The following TERB1 variants were observed in gnomAD, a reference collection of about 807,000 sequenced individuals.
The protein encoded by TERB1 is telomere repeat binding bouquet formation protein 1.
TERB1 carries 63 observed loss-of-function variants against 92.3 expected under a neutral mutation model. That is an observed-to-expected ratio of 0.68 (90% CI 0.56 to 0.84). The LOEUF (loss-of-function observed/expected upper bound fraction) is 0.84. Among genes scored for constraint, TERB1 ranks in the 40% least tolerant of loss-of-function variants. The pLI is 0.00. For missense variants in TERB1, 709 were observed against 843.7 expected, an observed-to-expected ratio of 0.84 and a Z score of 1.98; for synonymous variants, 252 against 283.9, an observed-to-expected ratio of 0.89 and a Z score of 1.13.
At chr16:66,785,735 G>A in intron 9 of TERB1, 51 bp downstream of exon 9, 1 of 1,448,964 alleles carries the variant, frequency 6.9e-7, no homozygotes. Flanking sequence ...TTTTTATTAT[G>A]CTTTGAAATA....
At chr16:66,797,910 T>C (rs1203067942) in intron 2 of TERB1, among the ~76,000 whole-genome samples, 1 of 152,046 alleles carries the variant, frequency 6.6e-6, no homozygotes, top group Non-Finnish European at 1.5e-5. Context: ...TACTTTAAAA[T>C]GCTAAACTGA....
rs1456892490 is a variant in TERB1 at position 66,796,824 on chromosome 16, A to AT, written c.-27dup. ...GCTTGTCTATATTCTTTTTCCTTATATTTTGTCTATAAGATAAAGGTATTT... is the reference window on the plus strand; with the variant it reads ...GCTTGTCTATATTCTTTTTCCTTATATTTTTGTCTATAAGATAAAGGTATTT... On this transcript the variant is annotated 5_prime_UTR_variant, in exon 3 of 19. Transcript: ENST00000433154. 34 of 1,451,160 alleles carry AT rather than the reference A, an allele frequency of 2.3e-5. No homozygotes were observed. The highest frequency in any genetic ancestry group is 3.2e-5 in the Non-Finnish European group (34 of 1,057,370). The allele number at this position is 1,451,160 out of a possible 1,614,324, so 89.9% of individuals were successfully genotyped here.
Position 66,774,997 on chromosome 16 carries a change from T to C in TERB1, c.1111+121A>G, listed in dbSNP as rs1171118421. On this transcript the variant is annotated intron_variant, in intron 12 of 18. Coordinates refer to ENST00000433154, the MANE Select transcript of TERB1 (RefSeq NM_001136505.2). Reference sequence around the variant, plus strand: ...CAGGCATGAGCCACTGTGCAGGGCCTAGTCTGCTTTTCAAATGTAAGAAGA... The same window carrying C: ...CAGGCATGAGCCACTGTGCAGGGCCCAGTCTGCTTTTCAAATGTAAGAAGA... 6.7e-6 allele frequency: 7 copies of C among 1,045,700 alleles called. No homozygotes were observed. In the East Asian group the frequency reaches 1.1e-4, roughly 16 times the overall value. 64.8% of individuals were successfully genotyped at this position (1,045,700 alleles called of 1,614,324 possible).
intron 16 of TERB1, among the ~76,000 whole-genome samples, chr16:66,760,090 G>A (rs1403315566): frequency 6.9e-5 from 7 of 101,672 alleles, no homozygotes; most frequent in African/African-American, 1.3e-4. Context: ...CTGAGATCAC[G>A]ACTGCACTCC....
chr16:66,777,004 T>C (rs1333405647), intron 11 of TERB1, among the ~76,000 whole-genome samples, 199 bp downstream of exon 11: 1 of 151,896 alleles, frequency 6.6e-6, no homozygotes, highest in Non-Finnish European at 1.5e-5. Flanking sequence ...TAAACAGAAG[T>C]AGAACTACAG....
chr16:66,777,261 C>T lies in TERB1; in HGVS notation c.927G>A (p.Leu309=), dbSNP rs1015485303. Residue 309 remains leucine (L), a synonymous_variant, in exon 11 of 19, where the codon CTG becomes CTA. Transcript: ENST00000433154. ...KLLALLLHES[L]DSGEKFSIML... ...TGATGCTAAATTTTTCTCCTGAATC[C>T]AGACTTTCATGAAGCAGTAATGCCA... 1 of 1,550,856 alleles carries T rather than the reference C, an allele frequency of 6.4e-7. No individual in the cohort carries two copies. Among genetic ancestry groups the T allele is most frequent in the African/African-American group, 1.4e-5 (1 of 73,010 alleles).
intron 11 of TERB1, among the ~76,000 whole-genome samples, chr16:66,775,733 G>A (rs1192629643): frequency 1.5e-5 from 2 of 135,748 alleles, no homozygotes; most frequent in South Asian, 2.4e-4. Context: ...TTTTTTGAGA[G>A]GGAATCTCGC....
intron 2 of TERB1, among the ~76,000 whole-genome samples, chr16:66,797,262 G>A (rs567328253): frequency 1.3e-5 from 2 of 148,614 alleles, no homozygotes; most frequent in South Asian, 4.3e-4. Flanking sequence ...GGACAGCAGG[G>A]TCTCACTCTG....
At chr16:66,802,025 G>A (rs1326028673), upstream of TERB1, among the ~76,000 whole-genome samples, 1 of 152,208 alleles carries the variant, frequency 6.6e-6, no homozygotes, top group Non-Finnish European at 1.5e-5. Context: ...TTCAGTCCAG[G>A]AGGACTTCTC....
chr16:66,787,367 G>A (rs1435995131), intron 6 of TERB1, among the ~76,000 whole-genome samples: 3 of 151,264 alleles, frequency 2.0e-5, no homozygotes, highest in Non-Finnish European at 2.9e-5. Context: ...GGGCTTAAGG[G>A]ATCCTCCCAC....
At chr16:66,761,089 G>A (rs1597008060) in intron 16 of TERB1, among the ~76,000 whole-genome samples, 2 of 125,700 alleles carry the variant, frequency 1.6e-5, no homozygotes, top group Admixed American at 1.1e-4. Context: ...CAACCTGGGC[G>A]ACAGAGCGAG....
rs369000347 is a variant in TERB1, at chr16:66,784,230, T to C, written c.700+1556A>G. 1.3e-4 allele frequency among the ~76,000 whole-genome samples: 17 copies of C among 127,736 alleles called. No homozygotes were observed. In the East Asian group the frequency reaches 4.1e-3, roughly 31 times the overall value. The allele number at this position is 127,736 out of a possible 152,430, so 83.8% of individuals were successfully genotyped here. A position where few individuals can be genotyped will look rare whatever the true frequency, so the allele number is the denominator to read the frequency against. ...CTCATGTTTCAATTATTTTTCTCTATTTCACGATTTCTAATCTCTTCATTA... is the reference window on the plus strand; with the variant it reads ...CTCATGTTTCAATTATTTTTCTCTACTTCACGATTTCTAATCTCTTCATTA... On this transcript the variant is annotated intron_variant, in intron 9 of 18. Transcript: ENST00000433154.
intron 5 of TERB1, among the ~76,000 whole-genome samples, chr16:66,788,699 G>A (rs567450782): frequency 6.6e-6 from 1 of 151,892 alleles, no homozygotes; most frequent in South Asian, 2.1e-4. Flanking sequence ...CAATATTTGT[G>A]CTATGTTCTG....
intron 9 of TERB1, among the ~76,000 whole-genome samples, chr16:66,785,572 G>C (rs1305286033): frequency 3.3e-5 from 5 of 151,892 alleles, no homozygotes; most frequent in African/African-American, 7.3e-5. Flanking sequence ...GAGAGTATCT[G>C]GGGAGATTAA....
chr16:66,785,958 T>A (rs573543627), intron 8 of TERB1, 50 bp from the exon 9 acceptor site: 4 of 1,527,556 alleles, frequency 2.6e-6, no homozygotes, highest in African/African-American at 2.8e-5. Context: ...TTGGAAAATA[T>A]CAGTTTTCAT....
intron 9 of TERB1, 34 bp downstream of exon 9, chr16:66,785,752 T>C: frequency 6.8e-7 from 1 of 1,481,050 alleles, no homozygotes; most frequent in Non-Finnish European, 9.0e-7. Flanking sequence ...AATATGTTTC[T>C]TCAACTATGA....
chr16:66,794,711 C>A (rs2145251253), intron 3 of TERB1, among the ~76,000 whole-genome samples: 1 of 152,140 alleles, frequency 6.6e-6, no homozygotes, highest in Non-Finnish European at 1.5e-5. Flanking sequence ...GAGATGGAGA[C>A]CATCCTGGCT....
chr16:66,761,968 G>A (rs771596692), intron 16 of TERB1, among the ~76,000 whole-genome samples: 3 of 152,090 alleles, frequency 2.0e-5, no homozygotes, highest in East Asian at 1.9e-4. Flanking sequence ...CAGGAGAATC[G>A]CTTGAACCCG....
At chr16:66,784,390 G>A (rs2018685976) in intron 9 of TERB1, among the ~76,000 whole-genome samples, 1 of 151,642 alleles carries the variant, frequency 6.6e-6, no homozygotes, top group Admixed American at 6.6e-5. Context: ...GGAGTGCAGT[G>A]GTATGATCTT....
Sources: allele counts gnomAD v4.1 joint callset (sites outside exome capture counted in the v4.1 genomes callset), GRCh38; gene constraint gnomAD v4.1.1; transcripts MANE v1.5; gene names NCBI Gene and HGNC (gene_info 2026-07-23, HGNC 2026-07-21).